LYSMD4: variants seen among roughly 807,000 people sequenced by gnomAD.
The protein encoded by LYSMD4 is lysM and putative peptidoglycan-binding domain-containing protein 4.
Under a neutral mutation model 6.1 loss-of-function variants are expected in LYSMD4, and 9 were observed. The ratio of observed to expected loss-of-function variants is 1.47; its 90% CI spans 0.88 to 2.56. LYSMD4 has a LOEUF of 2.56. Ranked by LOEUF, LYSMD4 falls within the 30% of genes most tolerant of loss-of-function variation. LYSMD4 has a pLI of 0.00. For missense variants in LYSMD4, 384 were observed against 373.5 expected (o/e 1.03, Z -0.23); for synonymous variants, 143 against 148.5 (o/e 0.96, Z 0.27).
intron 1 of LYSMD4, 182 bp downstream of exon 1, chr15:99,733,163 T>C (rs1435195905): frequency 2.7e-6 from 1 of 372,600 alleles, no homozygotes; most frequent in Non-Finnish European, 4.8e-6. Flanking sequence ...CCCCCAACCC[T>C]AGCCACCTGG....
At chr15:99,726,521 A>G (rs1288871092), downstream of LYSMD4, among the ~76,000 whole-genome samples, 1 of 151,872 alleles carries the variant, frequency 6.6e-6, no homozygotes, top group Non-Finnish European at 1.5e-5. Context: ...ACTGCAGCGC[A>G]GAAGGCCTTG....
intron 2 of LYSMD4, 152 bp downstream of exon 2, chr15:99,731,566 T>G: frequency 6.5e-7 from 1 of 1,529,744 alleles, no homozygotes; most frequent in Non-Finnish European, 8.7e-7. Flanking sequence ...TGCATTCCAA[T>G]TCTGGCTAAA....
At chr15:99,726,745 G>C (rs2059286628), downstream of LYSMD4, among the ~76,000 whole-genome samples, 1 of 152,154 alleles carries the variant, frequency 6.6e-6, no homozygotes, top group Non-Finnish European at 1.5e-5. Context: ...CAAAAAGACT[G>C]GAGACTAGAT....
Position 99,731,853 on chromosome 15 carries a change from C to A in LYSMD4, c.147G>T (p.Arg49=). 6.2e-7 allele frequency: 1 copy of A among 1,613,400 alleles called. No homozygotes were observed. Among genetic ancestry groups the A allele is most frequent in the South Asian group, 1.1e-5 (1 of 91,068 alleles). ...SEEESHRVVL[R]PRGKERHKSG... ...TCTTGTGGCGCTCCTTGCCCCGGGG[C>A]CGCAAAACCACACGGTGAGACTCTT... is the stretch of plus-strand genomic sequence containing the variant. The change falls in exon 2 of 3, where the codon CGG becomes CGT. Residue 49 remains arginine (R), a synonymous_variant. Transcript: ENST00000684762.
In LYSMD4 at chr15:99,727,443, AAAAGT is replaced by A. The variant is rs1272640502; in HGVS notation, c.*1675_*1679del. 7.2e-5 allele frequency: 11 copies of A among 152,206 alleles called. No individual in the cohort carries two copies. Among genetic ancestry groups the A allele is most frequent in the Non-Finnish European group, 1.5e-4 (10 of 68,040 alleles). 9.4% of individuals were successfully genotyped at this position (152,206 alleles called of 1,614,324 possible). A position where few individuals can be genotyped will look rare whatever the true frequency, so the allele number is the denominator to read the frequency against. On this transcript the variant is annotated 3_prime_UTR_variant, in exon 3 of 3. Coordinates refer to ENST00000684762, the MANE Select transcript of LYSMD4 (RefSeq NM_001284417.2). ...AAGAAATAATTTTATTCCATTTGAG[AAAAGT>A]AAAGGATACATTCTTTGTCTGACAA...
At chr15:99,726,490 C>T (rs1235343057), downstream of LYSMD4, among the ~76,000 whole-genome samples, 4 of 152,126 alleles carry the variant, frequency 2.6e-5, no homozygotes, top group East Asian at 5.8e-4. Flanking sequence ...TCCTCCCACC[C>T]CTCCCCTCCA....
intron 2 of LYSMD4, among the ~76,000 whole-genome samples, chr15:99,730,976 G>A (rs926669479): frequency 6.6e-6 from 1 of 152,064 alleles, no homozygotes; most frequent in Admixed American, 6.5e-5. Context: ...CTGAAAGACC[G>A]CAACACCCCA....
At chr15:99,722,558 CAGAT>C (rs1300420821), downstream of LYSMD4, among the ~76,000 whole-genome samples, 1 of 152,116 alleles carries the variant, frequency 6.6e-6, no homozygotes, top group Non-Finnish European at 1.5e-5. Flanking sequence ...TAATGGGAGG[CAGAT>C]GGAGGGAGAG....
At chr15:99,731,323 C>T (rs1250028408) in intron 2 of LYSMD4, 2 of 1,602,706 alleles carry the variant, frequency 1.2e-6, no homozygotes, top group Non-Finnish European at 1.7e-6. Context: ...AAGAAAGGTT[C>T]AGAAAAATAA....
intron 1 of LYSMD4, chr15:99,733,099 C>T: frequency 2.8e-6 from 1 of 360,070 alleles, no homozygotes; most frequent in Non-Finnish European, 5.0e-6. Flanking sequence ...CAGGGCTCCA[C>T]GGCTCCACGG....
At chr15:99,731,423 C>A in intron 2 of LYSMD4, 1 of 1,608,136 alleles carries the variant, frequency 6.2e-7, no homozygotes, top group South Asian at 1.1e-5. Context: ...ATAAAATGTG[C>A]TCGAAAGAAG....
chr15:99,724,454 G>T (rs2059261948), downstream of LYSMD4, among the ~76,000 whole-genome samples: 1 of 152,088 alleles, frequency 6.6e-6, no homozygotes, highest in Non-Finnish European at 1.5e-5. Context: ...TTACAGATGG[G>T]GTTTCACCAT....
At chr15:99,721,838 TGA>T (rs1429290704), upstream of LYSMD4, among the ~76,000 whole-genome samples, 2 of 152,198 alleles carry the variant, frequency 1.3e-5, no homozygotes, top group Admixed American at 6.5e-5. Flanking sequence ...CAGTGATCTC[TGA>T]GAGACCAGAA....
At position 99,728,801 on chromosome 15, in the gene LYSMD4, C is replaced by T. The variant is rs1046991079; in HGVS notation, c.*322G>A. The stretch of plus-strand genomic sequence containing the variant: ...AGGTCCCTCGACAGAGGCCATAAAT[C>T]TTTCCCTCCGAGCACGTCCAACTTG... On this transcript the variant is annotated 3_prime_UTR_variant, in exon 3 of 3. Coordinates refer to ENST00000684762, the MANE Select transcript of LYSMD4 (RefSeq NM_001284417.2). 1.5e-5 allele frequency: 5 copies of T among 339,244 alleles called. No homozygotes were observed. The highest frequency in any genetic ancestry group is 3.9e-5 in the South Asian group (1 of 25,672). 21.0% of individuals were successfully genotyped at this position (339,244 alleles called of 1,614,324 possible).
downstream of LYSMD4, among the ~76,000 whole-genome samples, chr15:99,722,988 G>A (rs748954674): frequency 7.9e-5 from 12 of 152,092 alleles, no homozygotes; most frequent in Non-Finnish European, 1.6e-4. Context: ...CCAAGATCAC[G>A]CCAGTACACT....
upstream of LYSMD4, among the ~76,000 whole-genome samples, chr15:99,718,005 G>C (rs2059203097): frequency 6.6e-6 from 1 of 152,180 alleles, no homozygotes; most frequent in Non-Finnish European, 1.5e-5. Context: ...CATAACCATA[G>C]TACAAGTACG....
downstream of LYSMD4, among the ~76,000 whole-genome samples, chr15:99,725,435 C>T (rs867700316): frequency 5.9e-5 from 9 of 152,156 alleles, no homozygotes; most frequent in Non-Finnish European, 8.8e-5. Context: ...GGAGCCTTTG[C>T]GGCCTCCACG....
downstream of LYSMD4, among the ~76,000 whole-genome samples, chr15:99,722,893 T>C (rs529490448): frequency 1.3e-5 from 2 of 152,198 alleles, no homozygotes; most frequent in Non-Finnish European, 2.9e-5. Context: ...CAGCCAGGCA[T>C]GCTGGTGCAC....
chr15:99,731,121 A>C, intron 2 of LYSMD4: 1 of 1,535,762 alleles, frequency 6.5e-7, no homozygotes, highest in Non-Finnish European at 9.0e-7. Flanking sequence ...AAAGTGAAAC[A>C]GTTGCAATCT....
Sources: allele counts gnomAD v4.1 joint callset (sites outside exome capture counted in the v4.1 genomes callset), GRCh38; gene constraint gnomAD v4.1.1; transcripts MANE v1.5; gene names NCBI Gene and HGNC (gene_info 2026-07-23, HGNC 2026-07-21).